PREX2: variants seen among roughly 807,000 people sequenced by gnomAD.
The protein encoded by PREX2 is phosphatidylinositol-3,4,5-trisphosphate dependent Rac exchange factor 2, also known as phosphatidylinositol 3,4,5-trisphosphate-dependent Rac exchanger 2 protein.
In PREX2, 107 loss-of-function variants were observed where a neutral mutation model predicts 203.2. The ratio of observed to expected loss-of-function variants is 0.53; its 90% CI spans 0.45 to 0.62. The LOEUF is 0.62. PREX2 is among the 20% of genes least tolerant of loss of function. PREX2 has a pLI of 0.00. For missense variants in PREX2, 1,777 were observed against 1,955.9 expected, an observed-to-expected ratio of 0.91 and a Z score of 1.72; for synonymous variants, 672 against 663.6, an observed-to-expected ratio of 1.01 and a Z score of -0.19.
intron 1 of PREX2, among the ~76,000 whole-genome samples, chr8:68,005,529 T>G (rs1026157392): frequency 2.6e-5 from 4 of 152,166 alleles, no homozygotes; most frequent in Non-Finnish European, 4.4e-5. Context: ...CAAATGGCTC[T>G]TTTCCTCCCT....
At chr8:68,057,421 A>G (rs1808713548) in intron 10 of PREX2, among the ~76,000 whole-genome samples, 1 of 152,094 alleles carries the variant, frequency 6.6e-6, no homozygotes, top group African/African-American at 2.4e-5. Context: ...AAGGGCGAAT[A>G]CGCTCCCCAA....
intron 35 of PREX2, among the ~76,000 whole-genome samples, chr8:68,170,523 C>T (rs751645307): frequency 6.6e-6 from 1 of 152,182 alleles, no homozygotes; most frequent in Non-Finnish European, 1.5e-5. Context: ...CTGGAGAAAA[C>T]CTGGTTTACT....
At chr8:68,062,398 A>G (rs1468640180) in intron 11 of PREX2, among the ~76,000 whole-genome samples, 1 of 152,188 alleles carries the variant, frequency 6.6e-6, no homozygotes, top group Non-Finnish European at 1.5e-5. Context: ...GACCTATTAC[A>G]TGCCCTAAAC....
At chr8:68,164,053 T>C (rs1265415351) in intron 35 of PREX2, among the ~76,000 whole-genome samples, 2 of 152,102 alleles carry the variant, frequency 1.3e-5, no homozygotes, top group Non-Finnish European at 2.9e-5. Flanking sequence ...TCCATGACTC[T>C]CTAGACTTTA....
At chr8:68,056,015 C>T in intron 10 of PREX2, 41 bp downstream of exon 10, 3 of 1,558,090 alleles carry the variant, frequency 1.9e-6, no homozygotes, top group Non-Finnish European at 8.7e-7. Flanking sequence ...CTTTTACATT[C>T]TCATTGTCTC....
intron 31 of PREX2, among the ~76,000 whole-genome samples, chr8:68,133,276 C>T (rs904921149): frequency 3.9e-5 from 6 of 152,106 alleles, no homozygotes; most frequent in Non-Finnish European, 8.8e-5. Context: ...TCACTTTCCG[C>T]CCGGTCTCTT....
At chr8:68,215,533 T>C (rs1403600804) in intron 37 of PREX2, among the ~76,000 whole-genome samples, 1 of 116,072 alleles carries the variant, frequency 8.6e-6, no homozygotes, top group Non-Finnish European at 1.6e-5. Context: ...TGTAGAAAAC[T>C]GATTTTTTTT....
intron 1 of PREX2, among the ~76,000 whole-genome samples, chr8:67,979,420 C>T (rs3922839): frequency 3.3e-5 from 5 of 152,152 alleles, no homozygotes; most frequent in South Asian, 4.2e-4. Flanking sequence ...CTTTAAAAAT[C>T]GCAATGAAAA....
At chr8:67,973,436 A>G (rs1338643032) in intron 1 of PREX2, among the ~76,000 whole-genome samples, 1 of 152,118 alleles carries the variant, frequency 6.6e-6, no homozygotes, top group African/African-American at 2.4e-5. Context: ...CATCTTGCTG[A>G]TCTGCCTTTC....
At chr8:68,165,267 T>A (rs1195325238) in intron 35 of PREX2, among the ~76,000 whole-genome samples, 4 of 152,182 alleles carry the variant, frequency 2.6e-5, no homozygotes, top group Non-Finnish European at 5.9e-5. Flanking sequence ...ATCTCAGTAC[T>A]TTTATTTTCA....
intron 14 of PREX2, 145 bp from the exon 15 acceptor site, chr8:68,077,252 T>C: frequency 1.6e-6 from 1 of 641,396 alleles, no homozygotes; most frequent in Non-Finnish European, 2.9e-6. Context: ...TTTGTAACAA[T>C]TAGATGCATT....
At chr8:68,115,021 C>CTTTTTTTTT (rs5892137) in intron 25 of PREX2, among the ~76,000 whole-genome samples, 314 of 86,758 alleles carry the variant, frequency 3.6e-3, no homozygotes, top group Non-Finnish European at 4.7e-3. Flanking sequence ...TCTTTTCTTT[C>CTTTTTTTTT]TTTTTTTTTT....
chr8:68,212,825 T>A (rs954781404), intron 37 of PREX2, among the ~76,000 whole-genome samples: 1 of 152,200 alleles, frequency 6.6e-6, no homozygotes, highest in Non-Finnish European at 1.5e-5. Flanking sequence ...TAATGTCTTA[T>A]ACATTTTTAA....
At chr8:68,206,311 T>C (rs1460796033) in intron 37 of PREX2, among the ~76,000 whole-genome samples, 1 of 152,232 alleles carries the variant, frequency 6.6e-6, no homozygotes, top group East Asian at 1.9e-4. Flanking sequence ...CTAGCATTCC[T>C]GACTACTCAG....
chr8:68,139,826 A>T (rs189199971), intron 33 of PREX2, among the ~76,000 whole-genome samples: 21 of 152,292 alleles, frequency 1.4e-4, no homozygotes, highest in South Asian at 1.0e-3. Flanking sequence ...TTATTCAAGA[A>T]TTTTTCTGGC....
chr8:68,157,160 A>C (rs1219862029), intron 34 of PREX2, among the ~76,000 whole-genome samples, 162 bp from the exon 35 acceptor site: 5 of 152,204 alleles, frequency 3.3e-5, no homozygotes, highest in African/African-American at 1.2e-4. Flanking sequence ...TTTTGAGAGC[A>C]GAACAGTTTT....
intron 39 of PREX2, among the ~76,000 whole-genome samples, chr8:68,227,493 G>A (rs1356880880): frequency 6.6e-6 from 1 of 152,212 alleles, no homozygotes; most frequent in Non-Finnish European, 1.5e-5. Flanking sequence ...ATTGTGGACA[G>A]TGGAATACAC....
At chr8:67,990,892 G>A (rs2129609471) in intron 1 of PREX2, among the ~76,000 whole-genome samples, 1 of 152,218 alleles carries the variant, frequency 6.6e-6, no homozygotes, top group South Asian at 2.1e-4. Context: ...GTGATACAGT[G>A]TCAGTTTCAG....
chr8:68,084,648 A>G (rs1407927328), intron 18 of PREX2, among the ~76,000 whole-genome samples: 4 of 152,140 alleles, frequency 2.6e-5, no homozygotes, highest in Non-Finnish European at 5.9e-5. Flanking sequence ...TTACTAATGT[A>G]GGAAGACGGG....
Sources: gnomAD v4.1 joint callset for allele counts (sites outside exome capture counted in the v4.1 genomes callset) on GRCh38, gnomAD v4.1.1 for gene constraint, MANE v1.5 for transcripts, NCBI Gene and HGNC (gene_info 2026-07-23, HGNC 2026-07-21) for gene names.